ALDH3B2: variants seen among roughly 807,000 people sequenced by gnomAD.
ALDH3B2 encodes the protein aldehyde dehydrogenase family 3 member B2.
Under a neutral mutation model 36.7 loss-of-function variants are expected in ALDH3B2, and 45 were observed. The observed-to-expected ratio is 1.23, with a 90% confidence interval of 0.97 to 1.57. The LOEUF is 1.57. Among genes scored for constraint, ALDH3B2 ranks in the 40% most tolerant of loss-of-function variants. ALDH3B2 has a pLI of 0.00. For synonymous variants in ALDH3B2, 217 were observed against 226.5 expected (o/e 0.96, Z 0.38); for missense variants, 464 against 513.3 (o/e 0.90, Z 0.93).
intron 1 of ALDH3B2, among the ~76,000 whole-genome samples, chr11:67,669,807 C>T (rs796844955): frequency 2.7e-3 from 24 of 8,986 alleles, no homozygotes; most frequent in African/African-American, 5.1e-3. Context: ...TGTGTGTCCA[C>T]GTGTGTCTGT....
chr11:67,665,273 A>G lies in ALDH3B2; in HGVS notation c.706+12T>C, dbSNP rs1221864713. 1.3e-6 allele frequency: 2 copies of G among 1,593,266 alleles called. No individual in the cohort carries two copies. The highest frequency in any genetic ancestry group is 3.4e-5 in the Admixed American group (2 of 58,554). ...TGGCCCAGGTGGGCTGCGGTAGGGCAGCAGGACTCACCGATGTAGCGATCG... is the reference window on the plus strand; with the variant it reads ...TGGCCCAGGTGGGCTGCGGTAGGGCGGCAGGACTCACCGATGTAGCGATCG... On this transcript the variant is annotated intron_variant, in intron 7 of 9. Coordinates refer to ENST00000349015, the Ensembl canonical transcript of ALDH3B2.
At chr11:67,672,073 ATATATATATATATATG>A (rs1205359244) in intron 1 of ALDH3B2, among the ~76,000 whole-genome samples, 1 of 65,512 alleles carries the variant, frequency 1.5e-5, no homozygotes, top group Admixed American at 2.0e-4. Flanking sequence ...ATATATATAT[ATATATATATATATATG>A]TATGTATGTA....
chr11:67,665,528 A>G (rs137924137), exon 7 of ALDH3B2: 22 of 1,614,028 alleles, frequency 1.4e-5, no homozygotes, highest in African/African-American at 9.3e-5. Context: ...TTGAAGTAGC[A>G]GAACCAGGCC....
chr11:67,666,144 CTTG>C (rs773348177), exon 6 of ALDH3B2: 2 of 1,613,906 alleles, frequency 1.2e-6, no homozygotes, highest in South Asian at 2.2e-5. Context: ...TGTAGTCCAA[CTTG>C]TGCTCTAGCA....
intron 1 of ALDH3B2, among the ~76,000 whole-genome samples, chr11:67,672,120 G>GTATGTATGTATGTATTT (rs59765121): frequency 9.2e-6 from 1 of 108,132 alleles, no homozygotes; most frequent in African/African-American, 3.9e-5. Context: ...GTGTGTGTGT[G>GTATGTATGTATGTATTT]TGTGTGTGTG....
rs1855958300 is a variant in ALDH3B2, at chr11:67,667,615, G to A, written c.-224C>T. 3 of 360,898 alleles carry A rather than the reference G, an allele frequency of 8.3e-6. No homozygotes were observed. The East Asian group carries it at 1.7e-4, about 20-fold the overall frequency. 22.4% of individuals were successfully genotyped at this position (360,898 alleles called of 1,614,324 possible). On this transcript the variant is annotated 5_prime_UTR_variant, in exon 2 of 10. It adds an upstream start codon to the 5' untranslated region. Coordinates refer to ENST00000349015, the Ensembl canonical transcript of ALDH3B2. ...GAAGGCCTCACGCAGCCGCCGCAGCGTGTCCTCGAAGGGGTCCATCCTGCC... is the reference window on the plus strand; with the variant it reads ...GAAGGCCTCACGCAGCCGCCGCAGCATGTCCTCGAAGGGGTCCATCCTGCC...
rs574507025 is a variant in ALDH3B2 at position 67,664,393 on chromosome 11, C to T, written c.873+3G>A. ...ATTGCCCCCAACCCGGCCGCACCCC[C>T]ACCTGGCTGCTGTTGGAGAAGGCGT... On this transcript the variant is annotated splice_donor_region_variant and intron_variant, in intron 8 of 9. Coordinates refer to ENST00000349015, the Ensembl canonical transcript of ALDH3B2. The T allele has an allele frequency of 4.3e-6, 7 of 1,614,094 alleles. No homozygotes were observed. The East Asian group carries it at 1.3e-4, about 31-fold the overall frequency.
rs1201275556 is a variant in ALDH3B2, at chr11:67,664,372, C to T, written c.873+24G>A. ...TGTGCCCCTTTCAGCCCCTCCATTGCCCCCAACCCGGCCGCACCCCCACCT... is the reference window on the plus strand; with the variant it reads ...TGTGCCCCTTTCAGCCCCTCCATTGTCCCCAACCCGGCCGCACCCCCACCT... On this transcript the variant is annotated intron_variant, in intron 8 of 9. Coordinates refer to ENST00000349015, the Ensembl canonical transcript of ALDH3B2. 2.5e-6 allele frequency: 4 copies of T among 1,613,322 alleles called. No individual in the cohort carries two copies. In the African/African-American group the frequency reaches 4.0e-5, roughly 16 times the overall value.
intron 1 of ALDH3B2, among the ~76,000 whole-genome samples, chr11:67,672,118 G>T (rs58056784): frequency 9.2e-6 from 1 of 108,176 alleles, no homozygotes; most frequent in African/African-American, 4.0e-5. Context: ...GTGTGTGTGT[G>T]TGTGTGTGTG....
intron 2 of ALDH3B2, 22 bp downstream of exon 2, chr11:67,667,451 G>A (rs115556950): frequency 6.9e-5 from 25 of 363,718 alleles, no homozygotes; most frequent in Non-Finnish European, 1.2e-4. Flanking sequence ...GCCCCTGCCG[G>A]GGCCCACTCT....
At chr11:67,672,933 C>CTT (rs532673446) in intron 1 of ALDH3B2, among the ~76,000 whole-genome samples, 8 of 118,332 alleles carry the variant, frequency 6.8e-5, no homozygotes, top group East Asian at 2.3e-4. Context: ...CTTTTCTTTT[C>CTT]TTTTTTTTTT....
At chr11:67,663,223 G>A in exon 10 of ALDH3B2, 2 of 1,607,790 alleles carry the variant, frequency 1.2e-6, no homozygotes, top group Non-Finnish European at 8.5e-7. Flanking sequence ...GCTCACAGGA[G>A]GGTGCAGCTC....
exon 1 of ALDH3B2, chr11:67,674,514 G>A (rs1040557100): frequency 6.3e-6 from 1 of 158,696 alleles, no homozygotes; most frequent in East Asian, 1.8e-4. Context: ...AGATGCGCAG[G>A]CTCTGCTCCT....
At chr11:67,665,133 C>T (rs1198177326) in intron 7 of ALDH3B2, 152 bp downstream of exon 7, 26 of 1,365,978 alleles carry the variant, frequency 1.9e-5, no homozygotes, top group Middle Eastern at 2.3e-4. Flanking sequence ...AGCACAGAGA[C>T]GGAATCGTGG....
chr11:67,676,974 A>C (rs976156315), upstream of ALDH3B2, among the ~76,000 whole-genome samples: 3 of 151,932 alleles, frequency 2.0e-5, no homozygotes, highest in Non-Finnish European at 4.4e-5. Flanking sequence ...ATTACCAACA[A>C]AAAAAAAGTC....
exon 10 of ALDH3B2, chr11:67,662,745 GA>G: frequency 5.2e-6 from 1 of 190,868 alleles, no homozygotes; most frequent in Non-Finnish European, 1.1e-5. Flanking sequence ...TGGGATGTGA[GA>G]GGATCCCTGG....
chr11:67,675,033 C>T (rs921001940), upstream of ALDH3B2, among the ~76,000 whole-genome samples: 2 of 152,292 alleles, frequency 1.3e-5, no homozygotes, highest in South Asian at 2.1e-4. Context: ...CCCTCCTCTC[C>T]TGTCCTCACT....
chr11:67,671,866 C>T lies in ALDH3B2; in HGVS notation c.-245+2571G>A, dbSNP rs1856124225. On this transcript the variant is annotated intron_variant, in intron 1 of 9. Transcript: ENST00000349015. ...CCCTGCCTCTCATTTTATTCACAGCCACCCCTCTGCCCACCGAGATAGATG... is the reference window on the plus strand; with the variant it reads ...CCCTGCCTCTCATTTTATTCACAGCTACCCCTCTGCCCACCGAGATAGATG... Among the ~76,000 whole-genome samples, 4 of 105,912 alleles carry T rather than the reference C, an allele frequency of 3.8e-5. No individual in the cohort carries two copies. The South Asian group carries it at 1.2e-3, about 32-fold the overall frequency. 69.5% of individuals were successfully genotyped at this position (105,912 alleles called of 152,430 possible). A position where few individuals can be genotyped will look rare whatever the true frequency, so the allele number is the denominator to read the frequency against.
In ALDH3B2 at chr11:67,664,417, G is replaced by T; in HGVS notation, c.852C>A (p.Tyr284Ter). Residue 284 changes from tyrosine (Y) to a stop codon, truncating the protein, a stop_gained, in exon 8 of 10, where the codon TAC (tyrosine) becomes TAA (stop). Transcript: ENST00000349015. LOFTEE classifies it high-confidence loss of function. The stretch of plus-strand genomic sequence containing the variant: ...CCACCTGGCTGCTGTTGGAGAAGGC[G>T]TACAGGGCCAGGGGCTTCTCCTGCC... 1.2e-6 allele frequency: 2 copies of T among 1,614,136 alleles called. No homozygotes were observed. The highest frequency in any genetic ancestry group is 2.2e-5 in the South Asian group (2 of 91,080).
Sources: allele counts gnomAD v4.1 joint callset (sites outside exome capture counted in the v4.1 genomes callset), GRCh38; gene constraint gnomAD v4.1.1; transcripts MANE v1.5; gene names NCBI Gene and HGNC (gene_info 2026-07-23, HGNC 2026-07-21).